CAMK4: variants seen among roughly 807,000 people sequenced by gnomAD.
The protein encoded by CAMK4 is calcium/calmodulin dependent protein kinase IV.
A neutral mutation model predicts 44.9 loss-of-function variants in CAMK4; 22 were observed. That is an observed-to-expected ratio of 0.49 (90% CI 0.35 to 0.70). CAMK4 has a LOEUF of 0.70. Ranked by LOEUF, CAMK4 falls within the 30% of genes least tolerant of loss-of-function variation. The probability of loss-of-function intolerance (pLI) is 0.01; values close to 1 mark genes in which losing one functional copy is unlikely to be tolerated. For synonymous variants in CAMK4, 218 were observed against 215.4 expected (o/e 1.01, Z -0.11); for missense variants, 498 against 586.8 (o/e 0.85, Z 1.56).
chr5:111,317,046 G>A (rs1008380227), intron 1 of CAMK4, among the ~76,000 whole-genome samples: 2 of 152,010 alleles, frequency 1.3e-5, no homozygotes, highest in African/African-American at 2.4e-5. Context: ...CAGAATGCAC[G>A]AAAACTACTG....
chr5:111,483,491 A>G (rs953132944), intron 10 of CAMK4, among the ~76,000 whole-genome samples: 2 of 152,172 alleles, frequency 1.3e-5, no homozygotes, highest in African/African-American at 4.8e-5. Context: ...GATCTCAGAG[A>G]GCAGCTGGGG....
chr5:111,357,355 C>G (rs540627052), intron 2 of CAMK4, among the ~76,000 whole-genome samples: 1 of 152,128 alleles, frequency 6.6e-6, no homozygotes, highest in African/African-American at 2.4e-5. Flanking sequence ...TCCAATGGAC[C>G]ACAACCAGGA....
chr5:111,385,784 C>A (rs1053899556), intron 4 of CAMK4, among the ~76,000 whole-genome samples: 34 of 152,090 alleles, frequency 2.2e-4, no homozygotes, highest in Admixed American at 1.6e-3. Flanking sequence ...ACTGTGTTAG[C>A]CAGGATACTC....
At chr5:111,381,663 T>A (rs1440186011) in intron 4 of CAMK4, among the ~76,000 whole-genome samples, 1 of 152,166 alleles carries the variant, frequency 6.6e-6, no homozygotes. Flanking sequence ...ATACTTTACA[T>A]CCTTCAATCC....
In CAMK4 at chr5:111,488,925, T is replaced by G. The variant is rs1451962138; in HGVS notation, c.*4459T>G. ...TAGATGGTGCAAAATTTCCAGATAGTAACCTATGTAAAAGGATTTGTAATT... is the reference window on the plus strand; with the variant it reads ...TAGATGGTGCAAAATTTCCAGATAGGAACCTATGTAAAAGGATTTGTAATT... On this transcript the variant is annotated 3_prime_UTR_variant, in exon 11 of 11. Transcript: ENST00000282356. 2 of 152,216 alleles carry G rather than the reference T, an allele frequency of 1.3e-5. No homozygotes were observed. Among genetic ancestry groups the G allele is most frequent in the Non-Finnish European group, 2.9e-5 (2 of 68,036 alleles). The allele number at this position is 152,216 out of a possible 1,614,324, so 9.4% of individuals were successfully genotyped here. A position where few individuals can be genotyped will look rare whatever the true frequency, so the allele number is the denominator to read the frequency against.
rs1755740813 is a variant in CAMK4, at chr5:111,489,489, T to C, written c.*5023T>C. On this transcript the variant is annotated 3_prime_UTR_variant, in exon 11 of 11. Coordinates refer to ENST00000282356, the MANE Select transcript of CAMK4 (RefSeq NM_001744.6). ...GATTAATTTGTTTGGTTATTTAAAATTCCAACTTTCATAAATGCTCTGTGA... is the reference window on the plus strand; with the variant it reads ...GATTAATTTGTTTGGTTATTTAAAACTCCAACTTTCATAAATGCTCTGTGA... The C allele has an allele frequency of 6.6e-6, 1 of 152,166 alleles. No individual in the cohort carries two copies. Among genetic ancestry groups the C allele is most frequent in the Non-Finnish European group, 1.5e-5 (1 of 68,028 alleles). 9.4% of individuals were successfully genotyped at this position (152,166 alleles called of 1,614,324 possible).
intron 2 of CAMK4, among the ~76,000 whole-genome samples, chr5:111,349,614 A>G (rs990105444): frequency 6.6e-6 from 1 of 152,006 alleles, no homozygotes; most frequent in African/African-American, 2.4e-5. Flanking sequence ...AGTTAAATAG[A>G]ATGCCAGCTT....
intron 1 of CAMK4, among the ~76,000 whole-genome samples, chr5:111,325,742 A>G (rs773145704): frequency 6.6e-6 from 1 of 151,750 alleles, no homozygotes; most frequent in Non-Finnish European, 1.5e-5. Flanking sequence ...TTTCTTGTAA[A>G]TTTGTTTAAG....
intron 5 of CAMK4, among the ~76,000 whole-genome samples, chr5:111,427,647 T>C (rs1226426572): frequency 1.3e-5 from 2 of 152,238 alleles, no homozygotes; most frequent in Non-Finnish European, 2.9e-5. Context: ...TATGGGCTGC[T>C]CTGCTTTTCA....
rs1755821247 is a variant in CAMK4, at chr5:111,491,301, A to G, written c.*6835A>G. 6.6e-6 allele frequency: 1 copy of G among 152,186 alleles called. No homozygotes were observed. The highest frequency in any genetic ancestry group is 1.5e-5 in the Non-Finnish European group (1 of 68,046). The allele number at this position is 152,186 out of a possible 1,614,324, so 9.4% of individuals were successfully genotyped here. ...AGGCAGAGTTGAGTACTTTCAACAG[A>G]GACCATATGGACTGCAAAGCCTAAA... is the stretch of plus-strand genomic sequence containing the variant. On this transcript the variant is annotated 3_prime_UTR_variant, in exon 11 of 11. Coordinates refer to ENST00000282356, the MANE Select transcript of CAMK4 (RefSeq NM_001744.6).
intron 5 of CAMK4, among the ~76,000 whole-genome samples, chr5:111,431,386 A>G (rs903340026): frequency 1.5e-4 from 23 of 152,190 alleles, no homozygotes; most frequent in Non-Finnish European, 1.9e-4. Context: ...ACTTAAACCT[A>G]CAACCTCAAA....
At chr5:111,383,600 A>G (rs1353652658) in intron 4 of CAMK4, among the ~76,000 whole-genome samples, 2 of 150,484 alleles carry the variant, frequency 1.3e-5, no homozygotes, top group South Asian at 4.2e-4. Context: ...CTGGAATTAG[A>G]TGTGTTACAA....
At chr5:111,395,043 TAATAAA>T (rs1323288970) in intron 5 of CAMK4, among the ~76,000 whole-genome samples, 1 of 151,466 alleles carries the variant, frequency 6.6e-6, no homozygotes, top group Non-Finnish European at 1.5e-5. Context: ...ACGCCATATC[TAATAAA>T]AATAAAAAAA....
chr5:111,425,519 T>C (rs904510269), intron 5 of CAMK4, among the ~76,000 whole-genome samples: 1 of 152,178 alleles, frequency 6.6e-6, no homozygotes, highest in Non-Finnish European at 1.5e-5. Context: ...TAGCCACAAA[T>C]AGAAAGACTA....
intron 7 of CAMK4, among the ~76,000 whole-genome samples, chr5:111,467,373 C>CAAAAAAAAAAA (rs34201915): frequency 2.2e-4 from 11 of 49,504 alleles, no homozygotes; most frequent in East Asian, 2.0e-3. Context: ...TTCTGCATAG[C>CAAAAAAAAAAA]AAAAAAAAAA....
intron 1 of CAMK4, among the ~76,000 whole-genome samples, chr5:111,261,996 T>C (rs1211663878): frequency 6.6e-6 from 1 of 151,888 alleles, no homozygotes; most frequent in Non-Finnish European, 1.5e-5. Context: ...TCTTTGAGAG[T>C]TTAATACTTT....
intron 1 of CAMK4, among the ~76,000 whole-genome samples, chr5:111,328,574 G>A (rs1749007428): frequency 6.6e-6 from 1 of 151,984 alleles, no homozygotes. Flanking sequence ...TGATGGGGAT[G>A]GCATTGAATC....
At chr5:111,280,354 G>T (rs1464350074) in intron 1 of CAMK4, among the ~76,000 whole-genome samples, 1 of 152,176 alleles carries the variant, frequency 6.6e-6, no homozygotes, top group Non-Finnish European at 1.5e-5. Context: ...GTAGAAGGCA[G>T]ACAAAAATGC....
At chr5:111,242,483 A>AT (rs1292584065) in intron 1 of CAMK4, among the ~76,000 whole-genome samples, 1 of 152,068 alleles carries the variant, frequency 6.6e-6, no homozygotes, top group Admixed American at 6.5e-5. Context: ...CATTTACATC[A>AT]TTTGGAACTC....
Sources: allele counts gnomAD v4.1 joint callset (sites outside exome capture counted in the v4.1 genomes callset), GRCh38; gene constraint gnomAD v4.1.1; transcripts MANE v1.5; gene names NCBI Gene and HGNC (gene_info 2026-07-23, HGNC 2026-07-21).